ZNF786: variants seen among roughly 807,000 people sequenced by gnomAD.
ZNF786 encodes the protein zinc finger protein 786.
A neutral mutation model predicts 63.1 loss-of-function variants in ZNF786; 56 were observed. The observed-to-expected ratio is 0.89, with a 90% CI of 0.72 to 1.11. The LOEUF (loss-of-function observed/expected upper bound fraction) is 1.11. ZNF786 is among the 50% of genes least tolerant of loss of function. The pLI is 0.00. For missense variants in ZNF786, 1,213 were observed against 1,041.8 expected, an observed-to-expected ratio of 1.16 and a Z score of -2.26; for synonymous variants, 485 against 406.9, an observed-to-expected ratio of 1.19 and a Z score of -2.31.
chr7:149,082,641 C>T (rs528786260), intron 1 of ZNF786: 9 of 198,136 alleles, frequency 4.5e-5, no homozygotes, highest in African/African-American at 1.2e-4. Flanking sequence ...AGTGCAGTGG[C>T]GTGATCTTAG....
chr7:149,071,359 G>A lies in ZNF786; in HGVS notation c.1413C>T (p.His471=), dbSNP rs1314838199. The stretch of plus-strand genomic sequence containing the variant: ...GCTTCTCGTCCGTGTGCAGCCGCTG[G>A]TGCCGCAGCAGCTGTCCCCTCTGAC... The part of the protein sequence containing the change: ...NFRQRGQLLR[H]QRLHTDEKPF... Residue 471 remains histidine (H), a synonymous_variant, in exon 4 of 4, where the codon CAC becomes CAT. Coordinates refer to ENST00000491431, the MANE Select transcript of ZNF786 (RefSeq NM_152411.4). 2 of 1,613,158 alleles carry A rather than the reference G, an allele frequency of 1.2e-6. No homozygotes were observed. Among genetic ancestry groups the A allele is most frequent in the Admixed American group, 1.7e-5 (1 of 59,944 alleles).
At chr7:149,086,843 C>A (rs926438527) in intron 1 of ZNF786, among the ~76,000 whole-genome samples, 1 of 102,910 alleles carries the variant, frequency 9.7e-6, no homozygotes, top group Non-Finnish European at 2.1e-5. Flanking sequence ...CAGCGCAGAT[C>A]CTTTTTTTTT....
At chr7:149,081,822 T>C (rs1039765432) in intron 1 of ZNF786, among the ~76,000 whole-genome samples, 7 of 152,212 alleles carry the variant, frequency 4.6e-5, no homozygotes, top group South Asian at 2.1e-4. Context: ...GCCAATGATA[T>C]GATCCTCCAC....
At position 149,074,531 on chromosome 7, in the gene ZNF786, T is replaced by C. The variant is rs1226648159; in HGVS notation, c.153A>G (p.Gly51=). 1.9e-6 allele frequency: 3 copies of C among 1,613,594 alleles called. No individual in the cohort carries two copies. Among genetic ancestry groups the C allele is most frequent in the Non-Finnish European group, 2.5e-6 (3 of 1,179,778 alleles). ...AGGATATTAGTTCTGGTTTTGGAAG[T>C]CCATCATCTGCACAGAGAAGTCAGA... ...NYETLVSLDD[G]LPKPELISWI... is the part of the protein sequence containing the mutation. Residue 51 remains glycine, a synonymous_variant, in exon 3 of 4, where the codon GGA becomes GGG. Coordinates refer to ENST00000491431, the MANE Select transcript of ZNF786 (RefSeq NM_152411.4).
chr7:149,088,700 T>A (rs1478979855), intron 1 of ZNF786, among the ~76,000 whole-genome samples: 1 of 152,204 alleles, frequency 6.6e-6, no homozygotes, highest in Admixed American at 6.5e-5. Flanking sequence ...TTCTTCAGAG[T>A]TCCTTTTAAT....
intron 2 of ZNF786, among the ~76,000 whole-genome samples, chr7:149,079,860 C>T (rs1037686162): frequency 1.3e-5 from 2 of 150,156 alleles, no homozygotes; most frequent in South Asian, 2.1e-4. Context: ...TGAGCCACCG[C>T]GCCCAGCAGA....
Position 149,069,964 on chromosome 7 carries a change from T to G in ZNF786, c.*459A>C, listed in dbSNP as rs1825369179. On this transcript the variant is annotated 3_prime_UTR_variant, in exon 4 of 4. Coordinates refer to ENST00000491431, the MANE Select transcript of ZNF786 (RefSeq NM_152411.4). The stretch of plus-strand genomic sequence containing the variant: ...AATTACTTTTTAAAATGTCAGAACT[T>G]CCTTATAATTACACACATATATTTT... The G allele has an allele frequency of 6.5e-6, 1 of 154,792 alleles. No homozygotes were observed. Among genetic ancestry groups the G allele is most frequent in the African/African-American group, 2.4e-5 (1 of 41,448 alleles). 9.6% of individuals were successfully genotyped at this position (154,792 alleles called of 1,614,324 possible). A position where few individuals can be genotyped will look rare whatever the true frequency, so the allele number is the denominator to read the frequency against.
Position 149,071,882 on chromosome 7 carries a change from T to A in ZNF786, c.890A>T (p.Gln297Leu), listed in dbSNP as rs1334889391. Residue 297 changes from glutamine (Q) to leucine (L), a missense_variant, in exon 4 of 4, where the codon CAG becomes CTG. By Grantham distance (113) the Gln-to-Leu change is moderately radical (BLOSUM62 -2). Coordinates refer to ENST00000491431, the MANE Select transcript of ZNF786 (RefSeq NM_152411.4). ...GGAGCGCTTGCCGCATGGGGTGCAC[T>A]GGGCAGGCTTCTCCCCCTGCTGCGG... is the stretch of plus-strand genomic sequence containing the variant. ...RLPQQGEKPAQCTPCGKRSLP... is the reference protein window; with the variant it reads ...RLPQQGEKPALCTPCGKRSLP... The A allele has an allele frequency of 6.2e-7, 1 of 1,601,938 alleles. No individual in the cohort carries two copies.
At chr7:149,085,349 T>C (rs530938371) in intron 1 of ZNF786, among the ~76,000 whole-genome samples, 4 of 152,140 alleles carry the variant, frequency 2.6e-5, no homozygotes, top group African/African-American at 9.7e-5. Flanking sequence ...TCCCAGTAAG[T>C]TGGGAGCCCA....
Position 149,069,674 on chromosome 7 carries a change from G to C in ZNF786, c.*749C>G, listed in dbSNP as rs2129513514. ...GTCATACTATGTCATCCATACTGGA[G>C]TGCAGTGGCACCATCATTGCTCACT... On this transcript the variant is annotated 3_prime_UTR_variant, in exon 4 of 4. Transcript: ENST00000491431. The C allele has an allele frequency of 7.0e-6, 1 of 143,530 alleles. No individual in the cohort carries two copies. 8.9% of individuals were successfully genotyped at this position (143,530 alleles called of 1,614,324 possible). A position where few individuals can be genotyped will look rare whatever the true frequency, so the allele number is the denominator to read the frequency against.
At chr7:149,077,143 C>T (rs1487199967) in intron 2 of ZNF786, among the ~76,000 whole-genome samples, 6 of 152,206 alleles carry the variant, frequency 3.9e-5, no homozygotes, top group African/African-American at 7.2e-5. Flanking sequence ...CAATCAGTCA[C>T]GTTCCATCTT....
intron 1 of ZNF786, chr7:149,081,209 G>A (rs550477248): frequency 2.9e-5 from 13 of 454,662 alleles, no homozygotes; most frequent in African/African-American, 2.2e-4. Flanking sequence ...AGGCTGAGGC[G>A]GGCAGATCAC....
intron 2 of ZNF786, among the ~76,000 whole-genome samples, chr7:149,078,548 G>C (rs777393023): frequency 2.0e-4 from 30 of 152,116 alleles, no homozygotes; most frequent in Non-Finnish European, 4.4e-4. Context: ...GCAGGGCGTG[G>C]TGGCGCATGC....
intron 3 of ZNF786, among the ~76,000 whole-genome samples, chr7:149,073,749 A>ATATATATATG (rs1825485518): frequency 3.7e-5 from 2 of 53,954 alleles, no homozygotes; most frequent in African/African-American, 1.3e-4. Flanking sequence ...GTGTGTGTGT[A>ATATATATATG]TATATATATA....
At chr7:149,075,439 C>T (rs1825526528) in intron 2 of ZNF786, among the ~76,000 whole-genome samples, 1 of 151,818 alleles carries the variant, frequency 6.6e-6, no homozygotes, top group Non-Finnish European at 1.5e-5. Flanking sequence ...AATGGGGTCT[C>T]ACTATGTTGC....
At chr7:149,078,494 G>A (rs1369540434) in intron 2 of ZNF786, among the ~76,000 whole-genome samples, 6 of 152,036 alleles carry the variant, frequency 3.9e-5, no homozygotes, top group African/African-American at 1.4e-4. Flanking sequence ...AGACCAGCCT[G>A]ACCAACATGG....
rs779877843 is a variant in ZNF786 at position 149,070,989 on chromosome 7, A to G, written c.1783T>C (p.Cys595Arg). ...RVHSGERPFQ[C>R]PECNRSFRLK... ...CGGAAGCTCCTGTTGCACTCTGGGC[A>G]CTGGAAGGGTCTCTCCCCGCTGTGC... The change falls in exon 4 of 4, where the codon TGC becomes CGC. Residue 595 changes from cysteine to arginine, a missense_variant. Transcript: ENST00000491431. 1.1e-5 allele frequency: 18 copies of G among 1,613,274 alleles called. No individual in the cohort carries two copies. Among genetic ancestry groups the G allele is most frequent in the Non-Finnish European group, 1.4e-5 (17 of 1,179,970 alleles).
chr7:149,072,276 G>C lies in ZNF786; in HGVS notation c.496C>G (p.Pro166Ala). The change falls in exon 4 of 4, where the codon CCA becomes GCA. Residue 166 changes from proline (P) to alanine (A), a missense_variant. Pro to Ala is a conservative substitution (Grantham distance 27). Transcript: ENST00000491431. ...GGAAGATCCAGATTTCTGGGACCTG[G>C]GATTCCTTCTTTTAGGGTAGATTCA... Reference protein sequence around the residue: ...PSESTLKEGIPGPRNLDLPGL... With the variant: ...PSESTLKEGIAGPRNLDLPGL... The C allele has an allele frequency of 6.2e-7, 1 of 1,613,582 alleles. No individual in the cohort carries two copies. Among genetic ancestry groups the C allele is most frequent in the South Asian group, 1.1e-5 (1 of 90,980 alleles).
At position 149,070,212 on chromosome 7, in the gene ZNF786, GAAAAA is replaced by G. The variant is rs371253855; in HGVS notation, c.*206_*210del. 20 of 404,752 alleles carry G rather than the reference GAAAAA, an allele frequency of 4.9e-5. No individual in the cohort carries two copies. The highest frequency in any genetic ancestry group is 9.7e-5 in the Admixed American group (2 of 20,596). 25.1% of individuals were successfully genotyped at this position (404,752 alleles called of 1,614,324 possible). A position where few individuals can be genotyped will look rare whatever the true frequency, so the allele number is the denominator to read the frequency against. ...GGTGACAGAGCAAAACTCCATCTTGGAAAAAAAAAAAAAAAAGAAAGAAATATAAT... is the reference window on the plus strand; with the variant it reads ...GGTGACAGAGCAAAACTCCATCTTGGAAAAAAAAAAAGAAAGAAATATAAT... On this transcript the variant is annotated 3_prime_UTR_variant, in exon 4 of 4. Coordinates refer to ENST00000491431, the MANE Select transcript of ZNF786 (RefSeq NM_152411.4).
Sources: allele counts gnomAD v4.1 joint callset (sites outside exome capture counted in the v4.1 genomes callset), GRCh38; gene constraint gnomAD v4.1.1; transcripts MANE v1.5; gene names NCBI Gene and HGNC (gene_info 2026-07-23, HGNC 2026-07-21).